PRKCB: variants seen among roughly 807,000 people sequenced by gnomAD.
The protein encoded by PRKCB is protein kinase C beta type.
A neutral mutation model predicts 81.5 loss-of-function variants in PRKCB; 13 were observed. The ratio of observed to expected loss-of-function variants is 0.16; its 90% CI spans 0.10 to 0.25. The LOEUF is 0.25. Among genes scored for constraint, PRKCB ranks in the 10% least tolerant of loss-of-function variants. PRKCB has a pLI of 1.00. For missense variants in PRKCB, 509 were observed against 875.7 expected, an observed-to-expected ratio of 0.58 and a Z score of 5.29; for synonymous variants, 335 against 321.4, an observed-to-expected ratio of 1.04 and a Z score of -0.45.
intron 2 of PRKCB, among the ~76,000 whole-genome samples, chr16:23,867,434 T>C (rs1962828420): frequency 6.6e-6 from 1 of 152,234 alleles, no homozygotes; most frequent in African/African-American, 2.4e-5. Context: ...CTCTTCTTAC[T>C]AGTGAGACTG....
intron 5 of PRKCB, among the ~76,000 whole-genome samples, chr16:24,053,417 C>T (rs980397100): frequency 3.9e-5 from 6 of 152,190 alleles, no homozygotes; most frequent in East Asian, 3.8e-4. Context: ...TGAATGGGCA[C>T]GGGTGTGTGC....
At chr16:23,843,790 C>CAA (rs544908905) in intron 2 of PRKCB, among the ~76,000 whole-genome samples, 1 of 113,882 alleles carries the variant, frequency 8.8e-6, no homozygotes, top group Non-Finnish European at 1.7e-5. Flanking sequence ...GTATCTAGGC[C>CAA]AAAAAAAAAA....
intron 9 of PRKCB, among the ~76,000 whole-genome samples, chr16:24,127,677 A>G (rs559527669): frequency 6.6e-6 from 1 of 152,190 alleles, no homozygotes; most frequent in African/African-American, 2.4e-5. Context: ...CTGGGGAGCA[A>G]TGAGAGAATA....
At chr16:24,187,010 GA>G (rs1159005510) in intron 15 of PRKCB, among the ~76,000 whole-genome samples, 1 of 148,448 alleles carries the variant, frequency 6.7e-6, no homozygotes, top group Non-Finnish European at 1.5e-5. Flanking sequence ...AGCCCATAAA[GA>G]AAAAAAAGGC....
intron 2 of PRKCB, among the ~76,000 whole-genome samples, chr16:23,881,901 C>T (rs552518647): frequency 9.7e-4 from 148 of 152,030 alleles, no homozygotes; most frequent in African/African-American, 3.4e-3. Context: ...TTTTAGATGC[C>T]TCATGTAAGT....
At chr16:23,887,661 A>T (rs569688986) in intron 2 of PRKCB, among the ~76,000 whole-genome samples, 1 of 152,286 alleles carries the variant, frequency 6.6e-6, no homozygotes, top group South Asian at 2.1e-4. Flanking sequence ...TAAACATGAG[A>T]GTGAAGGTGT....
In PRKCB at chr16:24,220,082, A is replaced by C. The variant is rs1186433316; in HGVS notation, c.*5266A>C. ...CAAAATGAATTTGCTGGCTTCTCTTATACTAACCCAGAGTTTGTCATTAAT... is the reference window on the plus strand; with the variant it reads ...CAAAATGAATTTGCTGGCTTCTCTTCTACTAACCCAGAGTTTGTCATTAAT... On this transcript the variant is annotated 3_prime_UTR_variant, in exon 17 of 17. Transcript: ENST00000643927. 1 of 1,614,000 alleles carries C rather than the reference A, an allele frequency of 6.2e-7. No individual in the cohort carries two copies.
At position 24,215,553 on chromosome 16, in the gene PRKCB, T is replaced by C; in HGVS notation, c.*737T>C. On this transcript the variant is annotated 3_prime_UTR_variant, in exon 17 of 17. Transcript: ENST00000643927. ...ACTCTCTGAAACAACACAGTCACTCTAGCAAGGCCCCCAAAGGGCCCTGGT... is the reference window on the plus strand; with the variant it reads ...ACTCTCTGAAACAACACAGTCACTCCAGCAAGGCCCCCAAAGGGCCCTGGT... 2.0e-6 allele frequency: 2 copies of C among 985,778 alleles called. No homozygotes were observed. The highest frequency in any genetic ancestry group is 2.4e-6 in the Non-Finnish European group (2 of 829,906). The allele number at this position is 985,778 out of a possible 1,614,324, so 61.1% of individuals were successfully genotyped here.
At chr16:24,010,206 C>T (rs1287076679) in intron 3 of PRKCB, among the ~76,000 whole-genome samples, 2 of 152,072 alleles carry the variant, frequency 1.3e-5, no homozygotes, top group African/African-American at 4.8e-5. Flanking sequence ...TCCCATTGGC[C>T]CATTGAACAC....
intron 5 of PRKCB, among the ~76,000 whole-genome samples, chr16:24,087,383 A>G (rs1361791606): frequency 6.6e-6 from 1 of 152,242 alleles, no homozygotes; most frequent in Non-Finnish European, 1.5e-5. Context: ...GCGTCACAGT[A>G]TGAATGCGCC....
chr16:24,045,186 GA>G (rs75935255), intron 5 of PRKCB, among the ~76,000 whole-genome samples: 26,851 of 150,370 alleles, frequency 0.18, 2,614 homozygotes, highest in Middle Eastern at 0.23. Flanking sequence ...AACAATAGCA[GA>G]AAAAAAAAAT....
intron 16 of PRKCB, among the ~76,000 whole-genome samples, chr16:24,208,955 C>T (rs1968091243): frequency 6.6e-6 from 1 of 152,158 alleles, no homozygotes; most frequent in Non-Finnish European, 1.5e-5. Context: ...CTTGTGTCTC[C>T]TCTGTGCTAT....
At chr16:23,866,581 G>A (rs551131101) in intron 2 of PRKCB, among the ~76,000 whole-genome samples, 3 of 152,210 alleles carry the variant, frequency 2.0e-5, no homozygotes, top group Admixed American at 1.3e-4. Flanking sequence ...CCACTTCCCT[G>A]TTGATGAACA....
intron 7 of PRKCB, chr16:24,098,978 A>G (rs1966472813): frequency 6.6e-6 from 1 of 152,182 alleles, no homozygotes; most frequent in African/African-American, 2.4e-5. Context: ...CAGGGTGTAC[A>G]TCAGTTACTC....
At chr16:23,894,526 T>A (rs973316392) in intron 2 of PRKCB, among the ~76,000 whole-genome samples, 2 of 152,296 alleles carry the variant, frequency 1.3e-5, no homozygotes, top group African/African-American at 4.8e-5. Context: ...GAAAATAATA[T>A]TATTGCTTTT....
At chr16:23,887,500 C>T (rs1963222120) in intron 2 of PRKCB, among the ~76,000 whole-genome samples, 3 of 152,186 alleles carry the variant, frequency 2.0e-5, no homozygotes, top group Non-Finnish European at 2.9e-5. Context: ...CCTTCAGCTG[C>T]ATCCATGTTG....
At chr16:24,184,147 T>C (rs1321061936) in intron 13 of PRKCB, among the ~76,000 whole-genome samples, 2 of 152,178 alleles carry the variant, frequency 1.3e-5, no homozygotes, top group Non-Finnish European at 2.9e-5. Flanking sequence ...CATATACAAA[T>C]ATTAAATTAG....
At chr16:23,992,480 G>A (rs962903812) in intron 3 of PRKCB, among the ~76,000 whole-genome samples, 2 of 152,162 alleles carry the variant, frequency 1.3e-5, no homozygotes, top group African/African-American at 4.8e-5. Flanking sequence ...CCATTTATAA[G>A]AAGCAAGGAG....
Position 24,216,276 on chromosome 16 carries a change from G to A in PRKCB, c.*1460G>A, listed in dbSNP as rs1430031439. The A allele has an allele frequency of 4.1e-6, 4 of 985,290 alleles. No individual in the cohort carries two copies. The East Asian group carries it at 3.4e-4, about 84-fold the overall frequency. The allele number at this position is 985,290 out of a possible 1,614,324, so 61.0% of individuals were successfully genotyped here. A position where few individuals can be genotyped will look rare whatever the true frequency, so the allele number is the denominator to read the frequency against. On this transcript the variant is annotated 3_prime_UTR_variant, in exon 17 of 17. Coordinates refer to ENST00000643927, the MANE Select transcript of PRKCB (RefSeq NM_002738.7). Reference sequence around the variant, plus strand: ...TAGAGACCAGCTGGGAACGTGAATGGGGCTCTTGATTTTCTTATCAAAATC... The same window carrying A: ...TAGAGACCAGCTGGGAACGTGAATGAGGCTCTTGATTTTCTTATCAAAATC...
Sources: gnomAD v4.1 joint callset for allele counts (sites outside exome capture counted in the v4.1 genomes callset) on GRCh38, gnomAD v4.1.1 for gene constraint, MANE v1.5 for transcripts, NCBI Gene and HGNC (gene_info 2026-07-23, HGNC 2026-07-21) for gene names.